Variants in RBM26 observed in about 807,000 individuals in gnomAD.
RBM26 encodes the protein RNA binding motif protein 26, also known as RNA-binding protein 26.
In RBM26, 30 loss-of-function variants were observed where a neutral mutation model predicts 123.6. That is an observed-to-expected ratio of 0.24 (90% CI 0.18 to 0.33). The LOEUF is 0.33. Among genes scored for constraint, RBM26 ranks in the 10% least tolerant of loss-of-function variants. The pLI is 1.00. For synonymous variants in RBM26, 400 were observed against 404.4 expected, an observed-to-expected ratio of 0.99 and a Z score of 0.13; for missense variants, 947 against 1,203.6, an observed-to-expected ratio of 0.79 and a Z score of 3.15.
At chr13:79,393,556 T>C (rs769493265) in intron 1 of RBM26, among the ~76,000 whole-genome samples, 10 of 152,198 alleles carry the variant, frequency 6.6e-5, no homozygotes, top group Non-Finnish European at 1.3e-4. Context: ...CTTGAGTACA[T>C]TCCCTACTTG....
intron 20 of RBM26, among the ~76,000 whole-genome samples, chr13:79,323,842 T>C (rs147802114): frequency 6.6e-6 from 1 of 151,852 alleles, no homozygotes; most frequent in East Asian, 1.9e-4. Context: ...AACTTGAGAA[T>C]TAGGCTGTGT....
chr13:79,344,907 T>C (rs1398977488), intron 14 of RBM26, 113 bp from the exon 15 acceptor site: 9 of 898,626 alleles, frequency 1.0e-5, no homozygotes, highest in African/African-American at 1.7e-5. Flanking sequence ...CAAAACACAC[T>C]GAACTAAATG....
intron 1 of RBM26, among the ~76,000 whole-genome samples, chr13:79,393,874 T>C (rs9574418): frequency 0.29 from 44,824 of 152,074 alleles, 8,118 homozygotes; most frequent in Non-Finnish European, 0.41. Flanking sequence ...AAAATCAGCT[T>C]TTCTCCAAGA....
At chr13:79,352,875 A>G (rs188774202) in intron 14 of RBM26, among the ~76,000 whole-genome samples, 3 of 152,334 alleles carry the variant, frequency 2.0e-5, no homozygotes, top group Admixed American at 2.0e-4. Flanking sequence ...CAAAATGCAC[A>G]GTATCTCTAA....
chr13:79,362,327 T>C (rs1281846997), intron 9 of RBM26, among the ~76,000 whole-genome samples: 5 of 152,178 alleles, frequency 3.3e-5, no homozygotes, highest in African/African-American at 1.2e-4. Context: ...GTTTTGTCAA[T>C]TCTTTCCACT....
At chr13:79,369,043 AGTCCC>A in intron 5 of RBM26, 53 bp from the exon 6 acceptor site, 5 of 999,220 alleles carry the variant, frequency 5.0e-6, no homozygotes, top group Non-Finnish European at 7.0e-6. Context: ...AAAAAAAAAA[AGTCCC>A]AGATCTAAGA....
Position 79,379,420 on chromosome 13 carries a change from G to A in RBM26, c.72-513C>T, listed in dbSNP as rs1161576920. Among the ~76,000 whole-genome samples the A allele has an allele frequency of 2.0e-5, 3 of 149,842 alleles. No individual in the cohort carries two copies. The East Asian group carries it at 5.9e-4, about 29-fold the overall frequency. On this transcript the variant is annotated intron_variant, in intron 1 of 21. Coordinates refer to ENST00000438737, the MANE Select transcript of RBM26 (RefSeq NM_001366735.2). Reference sequence around the variant, plus strand: ...AAATTAGGCATGGTAGTGTGTGCCTGTAGTCCCAGCTACTCGGGAGGCTGA... The same window carrying A: ...AAATTAGGCATGGTAGTGTGTGCCTATAGTCCCAGCTACTCGGGAGGCTGA...
chr13:79,335,718 C>T (rs1013693584), intron 19 of RBM26, among the ~76,000 whole-genome samples: 2 of 152,104 alleles, frequency 1.3e-5, no homozygotes, highest in African/African-American at 4.8e-5. Context: ...CTGAATACTT[C>T]TCAGCCAAAA....
At chr13:79,377,902 TG>T (rs1464411154) in intron 2 of RBM26, among the ~76,000 whole-genome samples, 3 of 150,256 alleles carry the variant, frequency 2.0e-5, no homozygotes, top group Non-Finnish European at 4.4e-5. Context: ...CACTCCCGCC[TG>T]GGTGACAGAG....
In RBM26 at chr13:79,337,210, C is replaced by T; in HGVS notation, c.2625G>A (p.Gly875=). ...GAVHGRGRGR[G]RGRGVPGHAV... Reference sequence around the variant, plus strand: ...CATGACCAGGCACACCTCGCCCTCGCCCTCGCCCCCTGCCTCGGCCATGAA... The same window carrying T: ...CATGACCAGGCACACCTCGCCCTCGTCCTCGCCCCCTGCCTCGGCCATGAA... The change falls in exon 19 of 22, where the codon GGG becomes GGA. Residue 875 remains glycine, a synonymous_variant. Transcript: ENST00000438737. The T allele has an allele frequency of 6.2e-7, 1 of 1,614,148 alleles. No homozygotes were observed. Among genetic ancestry groups the T allele is most frequent in the Non-Finnish European group, 8.5e-7 (1 of 1,180,022 alleles).
chr13:79,323,296 T>A (rs898939365), intron 20 of RBM26, among the ~76,000 whole-genome samples: 1 of 151,560 alleles, frequency 6.6e-6, no homozygotes, highest in African/African-American at 2.4e-5. Context: ...TACAGCATAA[T>A]GTGAAATGTA....
chr13:79,394,180 T>C (rs1405568570), intron 1 of RBM26, among the ~76,000 whole-genome samples: 1 of 152,226 alleles, frequency 6.6e-6, no homozygotes, highest in South Asian at 2.1e-4. Flanking sequence ...AAACACTAAC[T>C]GGAACTGCCG....
At chr13:79,404,100 C>T (rs1594797117) in intron 1 of RBM26, among the ~76,000 whole-genome samples, 1 of 152,154 alleles carries the variant, frequency 6.6e-6, no homozygotes, top group East Asian at 1.9e-4. Flanking sequence ...GAGTTTTAGA[C>T]TCATATATTC....
At chr13:79,398,452 A>G (rs775901443) in intron 1 of RBM26, among the ~76,000 whole-genome samples, 2 of 152,228 alleles carry the variant, frequency 1.3e-5, no homozygotes, top group Admixed American at 6.5e-5. Flanking sequence ...GAAAGGCCAA[A>G]TAAGATTGCA....
Position 79,320,223 on chromosome 13 carries a change from A to G in RBM26, c.*398T>C. On this transcript the variant is annotated 3_prime_UTR_variant, in exon 22 of 22. Coordinates refer to ENST00000438737, the MANE Select transcript of RBM26 (RefSeq NM_001366735.2). ...ACTATGTTATCTATTCAGTTTTGAA[A>G]ACATTCATTAAGATTTTAAATGCAA... The G allele has an allele frequency of 1.0e-6, 1 of 961,862 alleles. No individual in the cohort carries two copies. The highest frequency in any genetic ancestry group is 1.2e-6 in the Non-Finnish European group (1 of 807,534). 59.6% of individuals were successfully genotyped at this position (961,862 alleles called of 1,614,324 possible).
At chr13:79,353,481 C>G (rs1031308767) in intron 13 of RBM26, among the ~76,000 whole-genome samples, 1 of 151,988 alleles carries the variant, frequency 6.6e-6, no homozygotes, top group African/African-American at 2.4e-5. Flanking sequence ...AAAGTCCCTG[C>G]CACTGACACA....
At chr13:79,315,280 T>C (rs1200735873), downstream of RBM26, among the ~76,000 whole-genome samples, 5 of 151,820 alleles carry the variant, frequency 3.3e-5, no homozygotes, top group African/African-American at 4.8e-5. Flanking sequence ...TTAACTGATA[T>C]GGAAAATTTT....
intron 16 of RBM26, among the ~76,000 whole-genome samples, chr13:79,343,490 C>T (rs926769470): frequency 6.6e-6 from 1 of 151,958 alleles, no homozygotes; most frequent in Middle Eastern, 3.4e-3. Flanking sequence ...AAAAGACACA[C>T]ATTTCAAATC....
chr13:79,365,694 T>C lies in RBM26; in HGVS notation c.1301A>G (p.Asn434Ser). Residue 434 changes from asparagine to serine, a missense_variant, in exon 9 of 22, where the codon AAT (asparagine) becomes AGT (serine). Physicochemically the swap from Asn to Ser is conservative, Grantham distance 46 (BLOSUM62 1). Coordinates refer to ENST00000438737, the MANE Select transcript of RBM26 (RefSeq NM_001366735.2). ...GTTTGTTATGCTTGGGGCTTCAGGA[T>C]TGTAGCCATCTGTGTCATATGTATC... ...TADTYDTDGY[N>S]PEAPSITNTS... 1 of 1,613,752 alleles carries C rather than the reference T, an allele frequency of 6.2e-7. No homozygotes were observed. Among genetic ancestry groups the C allele is most frequent in the Non-Finnish European group, 8.5e-7 (1 of 1,179,688 alleles).
Sources: allele counts gnomAD v4.1 joint callset (sites outside exome capture counted in the v4.1 genomes callset), GRCh38; gene constraint gnomAD v4.1.1; transcripts MANE v1.5; gene names NCBI Gene and HGNC (gene_info 2026-07-23, HGNC 2026-07-21).